Variants in DCDC1 observed in about 807,000 individuals in gnomAD.
The protein encoded by DCDC1 is doublecortin domain containing 1.
DCDC1 carries 200 observed loss-of-function variants against 178.3 expected under a neutral mutation model. That is an observed-to-expected ratio of 1.12 (90% CI 1.00 to 1.26). The LOEUF (loss-of-function observed/expected upper bound fraction) is 1.26. Among genes scored for constraint, DCDC1 ranks in the 50% most tolerant of loss-of-function variants. DCDC1 has a pLI of 0.00. For synonymous variants in DCDC1, 690 were observed against 604.8 expected (o/e 1.14, Z -2.07); for missense variants, 1,983 against 1,749.2 (o/e 1.13, Z -2.38).
intron 20 of DCDC1, among the ~76,000 whole-genome samples, chr11:31,010,841 G>T (rs1484098004): frequency 6.6e-6 from 1 of 152,046 alleles, no homozygotes; most frequent in African/African-American, 2.4e-5. Flanking sequence ...TAAAATACAT[G>T]AATATTAATT....
At chr11:31,309,154 G>T (rs536592275) in intron 3 of DCDC1, among the ~76,000 whole-genome samples, 29 of 151,950 alleles carry the variant, frequency 1.9e-4, no homozygotes, top group Non-Finnish European at 4.1e-4. Context: ...GTGTGTGTGT[G>T]TGTGTGTGTG....
At chr11:31,170,578 A>G (rs961493827) in intron 9 of DCDC1, among the ~76,000 whole-genome samples, 2 of 152,234 alleles carry the variant, frequency 1.3e-5, no homozygotes, top group Non-Finnish European at 2.9e-5. Flanking sequence ...CAAATAAAAC[A>G]TCTTAGATTT....
chr11:30,873,358 T>TAGAGAGAGAG (rs1185841948), intron 38 of DCDC1, among the ~76,000 whole-genome samples: 73 of 138,034 alleles, frequency 5.3e-4, no homozygotes, highest in African/African-American at 2.0e-3. Context: ...TATATATATA[T>TAGAGAGAGAG]ATATATAGAG....
intron 20 of DCDC1, among the ~76,000 whole-genome samples, chr11:31,039,546 TC>T (rs962465256): frequency 2.0e-5 from 3 of 152,126 alleles, no homozygotes; most frequent in African/African-American, 7.2e-5. Flanking sequence ...AATGAAGTCC[TC>T]GCCAACAACA....
chr11:31,280,399 T>C (rs1182580647), intron 7 of DCDC1, among the ~76,000 whole-genome samples: 1 of 152,132 alleles, frequency 6.6e-6, no homozygotes, highest in Non-Finnish European at 1.5e-5. Flanking sequence ...TGTGAAAAGG[T>C]GAAAATTATT....
chr11:31,028,064 AC>A (rs771776562), intron 20 of DCDC1, among the ~76,000 whole-genome samples: 21 of 151,914 alleles, frequency 1.4e-4, no homozygotes, highest in South Asian at 4.1e-4. Context: ...GTATAAAAAA[AC>A]AATAATGCAA....
intron 3 of DCDC1, among the ~76,000 whole-genome samples, chr11:31,322,624 C>T (rs1238845477): frequency 6.6e-6 from 1 of 152,172 alleles, no homozygotes; most frequent in Non-Finnish European, 1.5e-5. Context: ...CTTCTTTACT[C>T]GGACATTGTT....
At chr11:30,935,883 T>C (rs539710001) in intron 21 of DCDC1, among the ~76,000 whole-genome samples, 1 of 152,276 alleles carries the variant, frequency 6.6e-6, no homozygotes, top group South Asian at 2.1e-4. Context: ...TTCTCAGAGT[T>C]AACTTTAAGG....
intron 33 of DCDC1, among the ~76,000 whole-genome samples, chr11:30,899,874 C>T (rs778543314): frequency 1.1e-4 from 17 of 151,972 alleles, no homozygotes; most frequent in Admixed American, 5.2e-4. Context: ...ATAGATTTAC[C>T]ATATGCAATA....
chr11:31,283,231 G>A (rs1001627103), intron 7 of DCDC1, among the ~76,000 whole-genome samples: 2 of 152,138 alleles, frequency 1.3e-5, no homozygotes, highest in African/African-American at 4.8e-5. Context: ...CATCCCACAA[G>A]TTAATGACAC....
intron 34 of DCDC1, among the ~76,000 whole-genome samples, chr11:30,895,358 C>T (rs1266022529): frequency 6.6e-6 from 1 of 152,158 alleles, no homozygotes; most frequent in African/African-American, 2.4e-5. Context: ...TCTATAACAG[C>T]TCCTAACAGG....
chr11:30,944,137 G>A, intron 21 of DCDC1: 1 of 334,876 alleles, frequency 3.0e-6, no homozygotes, highest in Non-Finnish European at 5.9e-6. Context: ...AAATAAACTG[G>A]CTCAATGCAT....
At chr11:31,125,332 T>G (rs1246926206) in intron 11 of DCDC1, among the ~76,000 whole-genome samples, 1 of 152,160 alleles carries the variant, frequency 6.6e-6, no homozygotes, top group East Asian at 1.9e-4. Flanking sequence ...TTAGTGGGAA[T>G]GTAAATTAGT....
At chr11:30,929,790 C>T (rs562100831) in intron 22 of DCDC1, among the ~76,000 whole-genome samples, 1 of 152,056 alleles carries the variant, frequency 6.6e-6, no homozygotes, top group African/African-American at 2.4e-5. Context: ...TTGCCTGTGA[C>T]ACAAGAAAAA....
chr11:31,074,099 A>C (rs1429847079), intron 18 of DCDC1, among the ~76,000 whole-genome samples: 2 of 152,152 alleles, frequency 1.3e-5, no homozygotes. Flanking sequence ...AGAGAACACT[A>C]AAGAATATAA....
chr11:31,071,998 T>C (rs1956595471), intron 18 of DCDC1, among the ~76,000 whole-genome samples: 1 of 152,202 alleles, frequency 6.6e-6, no homozygotes, highest in African/African-American at 2.4e-5. Context: ...AAATAATAAG[T>C]ATTTGCTGTT....
At chr11:31,095,428 C>T (rs1478353773) in intron 15 of DCDC1, among the ~76,000 whole-genome samples, 12 of 152,190 alleles carry the variant, frequency 7.9e-5, no homozygotes, top group Admixed American at 5.9e-4. Flanking sequence ...TCCTATTTCT[C>T]CATATCCTCT....
intron 10 of DCDC1, among the ~76,000 whole-genome samples, chr11:31,132,342 T>C (rs1339117320): frequency 3.9e-5 from 6 of 152,340 alleles, no homozygotes; most frequent in Admixed American, 3.9e-4. Flanking sequence ...TGATAACATG[T>C]CATCCTAAAA....
intron 8 of DCDC1, chr11:31,263,153 C>A: frequency 7.0e-7 from 1 of 1,423,754 alleles, no homozygotes. Context: ...TTCATCTTAA[C>A]GAAGATCCCT....
Sources: allele counts gnomAD v4.1 joint callset (sites outside exome capture counted in the v4.1 genomes callset), GRCh38; gene constraint gnomAD v4.1.1; transcripts MANE v1.5; gene names NCBI Gene and HGNC (gene_info 2026-07-23, HGNC 2026-07-21).